Variants in COMMD1 observed in about 807,000 individuals in gnomAD.
COMMD1 encodes COMM domain-containing protein 1.
In COMMD1, 10 loss-of-function variants were observed where a neutral mutation model predicts 17.2. That is an observed-to-expected ratio of 0.58 (90% confidence interval 0.36 to 0.99). The LOEUF (loss-of-function observed/expected upper bound fraction) is 0.99. COMMD1 is among the 50% of genes least tolerant of loss of function. The pLI is 0.01. For synonymous variants in COMMD1, 97 were observed against 91.6 expected (o/e 1.06, Z -0.34); for missense variants, 270 against 231.8 (o/e 1.17, Z -1.07).
chr2:62,027,776 C>T (rs1314259666), intron 2 of COMMD1, among the ~76,000 whole-genome samples: 1 of 152,010 alleles, frequency 6.6e-6, no homozygotes, highest in East Asian at 1.9e-4. Flanking sequence ...CTGGCTCAAG[C>T]GATCCTCCCA....
intron 1 of COMMD1, among the ~76,000 whole-genome samples, chr2:61,973,379 T>C (rs976607158): frequency 5.3e-5 from 8 of 152,170 alleles, no homozygotes; most frequent in South Asian, 2.1e-4. Context: ...ACAACAGTAT[T>C]TGAGAGATGC....
chr2:62,014,585 A>G (rs1476279751), intron 2 of COMMD1, among the ~76,000 whole-genome samples: 1 of 77,730 alleles, frequency 1.3e-5, no homozygotes, highest in African/African-American at 6.0e-5. Context: ...TTTTTGAGAC[A>G]GAGTCTTGCT....
chr2:61,905,817 G>A lies in COMMD1; in HGVS notation c.139G>A (p.Glu47Lys). The A allele has an allele frequency of 6.2e-7, 1 of 1,614,228 alleles. No individual in the cohort carries two copies. Among genetic ancestry groups the A allele is most frequent in the African/African-American group, 1.3e-5 (1 of 75,060 alleles). The change falls in exon 1 of 3, where the codon GAG becomes AAG. Residue 47 changes from glutamate to lysine, a missense_variant. Physicochemically the swap from Glu to Lys is moderately conservative, Grantham distance 56. Transcript: ENST00000311832. ...GCTATATCCAGAGGTGCCACCCGAG[G>A]AGTTCCGCCCCTTTCTGGCAAAGAT... The part of the protein sequence containing the change: ...SQLYPEVPPE[E>K]FRPFLAKMRG...
intron 1 of COMMD1, among the ~76,000 whole-genome samples, chr2:61,951,947 A>G (rs539011886): frequency 6.6e-6 from 1 of 152,202 alleles, no homozygotes; most frequent in Non-Finnish European, 1.5e-5. Context: ...AGATTCATTC[A>G]TGTTTCTTGT....
chr2:61,918,988 A>G (rs1222550702), intron 1 of COMMD1, among the ~76,000 whole-genome samples: 1 of 152,094 alleles, frequency 6.6e-6, no homozygotes, highest in Non-Finnish European at 1.5e-5. Context: ...GGTTTCTGTT[A>G]CCTGTGCTTT....
intron 2 of COMMD1, among the ~76,000 whole-genome samples, chr2:62,098,672 T>C (rs1672088134): frequency 1.3e-5 from 2 of 152,372 alleles, no homozygotes; most frequent in South Asian, 4.1e-4. Context: ...GGGCGTATTT[T>C]ACATTGTTTC....
At chr2:62,002,637 G>A (rs1247028320) in intron 2 of COMMD1, among the ~76,000 whole-genome samples, 5 of 151,276 alleles carry the variant, frequency 3.3e-5, no homozygotes, top group African/African-American at 4.9e-5. Flanking sequence ...AGACCAACCT[G>A]GCCAACATGG....
chr2:61,912,975 G>A (rs560405405), intron 1 of COMMD1, among the ~76,000 whole-genome samples: 1 of 152,290 alleles, frequency 6.6e-6, no homozygotes, highest in South Asian at 2.1e-4. Flanking sequence ...GATTGCTTGA[G>A]CCCAAGAACT....
At chr2:62,122,354 G>A (rs1672771931) in intron 2 of COMMD1, among the ~76,000 whole-genome samples, 1 of 152,086 alleles carries the variant, frequency 6.6e-6, no homozygotes, top group Admixed American at 6.6e-5. Flanking sequence ...TCAGATGTGA[G>A]TCAGGGGTTA....
intron 1 of COMMD1, among the ~76,000 whole-genome samples, chr2:61,972,803 T>A (rs7558365): frequency 0.31 from 47,679 of 151,950 alleles, 8,679 homozygotes; most frequent in African/African-American, 0.51. Flanking sequence ...GTATGTGTTT[T>A]TAGTATTTTT....
intron 1 of COMMD1, among the ~76,000 whole-genome samples, chr2:61,962,061 A>T (rs1457466587): frequency 6.6e-6 from 1 of 152,160 alleles, no homozygotes; most frequent in African/African-American, 2.4e-5. Flanking sequence ...ACTGTTATTT[A>T]TATTTAAGAG....
chr2:62,012,001 A>C (rs902300922), intron 2 of COMMD1, among the ~76,000 whole-genome samples: 1 of 152,098 alleles, frequency 6.6e-6, no homozygotes, highest in African/African-American at 2.4e-5. Flanking sequence ...TAATCCTGGC[A>C]CTGTGGGAGG....
intron 1 of COMMD1, among the ~76,000 whole-genome samples, chr2:61,919,981 C>T (rs1174534636): frequency 6.6e-6 from 1 of 151,974 alleles, no homozygotes; most frequent in African/African-American, 2.4e-5. Flanking sequence ...TAAAAAAAAT[C>T]AGCCAGGCAT....
intron 2 of COMMD1, among the ~76,000 whole-genome samples, chr2:62,095,199 A>T (rs915191730): frequency 6.6e-6 from 1 of 152,222 alleles, no homozygotes; most frequent in Non-Finnish European, 1.5e-5. Context: ...TCTTTCAGGC[A>T]TTTGATTTGA....
intron 2 of COMMD1, among the ~76,000 whole-genome samples, chr2:62,029,506 C>A (rs1263072086): frequency 6.6e-6 from 1 of 151,912 alleles, no homozygotes; most frequent in African/African-American, 2.4e-5. Context: ...AACCCATATC[C>A]CTTCTTGTTT....
upstream of COMMD1, among the ~76,000 whole-genome samples, chr2:61,905,409 CTT>C (rs1669744571): frequency 3.3e-5 from 5 of 152,332 alleles, no homozygotes; most frequent in African/African-American, 1.2e-4. Context: ...TGCGAGCAAT[CTT>C]TCTTTCCAGT....
chr2:62,087,041 C>A (rs912799962), intron 2 of COMMD1, among the ~76,000 whole-genome samples: 7 of 151,988 alleles, frequency 4.6e-5, no homozygotes, highest in Non-Finnish European at 1.0e-4. Context: ...CCAGGCTGGT[C>A]TCAAACTCCT....
chr2:62,037,017 C>G (rs562105049), intron 2 of COMMD1, among the ~76,000 whole-genome samples: 5 of 152,282 alleles, frequency 3.3e-5, no homozygotes, highest in African/African-American at 1.2e-4. Context: ...GCCTATAAAT[C>G]AGGTATTATC....
chr2:62,067,015 C>T lies in COMMD1; in HGVS notation c.462+66033C>T, dbSNP rs1322110217. On this transcript the variant is annotated intron_variant, in intron 2 of 2. Coordinates refer to ENST00000311832, the MANE Select transcript of COMMD1 (RefSeq NM_152516.4). ...TGCTGGGATTACAGGCTTGAGCCAC[C>T]GTGCCCAGCCCAAATCTATATAGAT... is the stretch of plus-strand genomic sequence containing the variant. 3.9e-5 allele frequency among the ~76,000 whole-genome samples: 6 copies of T among 152,088 alleles called. No individual in the cohort carries two copies. The South Asian group carries it at 8.3e-4, about 21-fold the overall frequency.
Sources: gnomAD v4.1 joint callset for allele counts (sites outside exome capture counted in the v4.1 genomes callset) on GRCh38, gnomAD v4.1.1 for gene constraint, MANE v1.5 for transcripts, NCBI Gene and HGNC (gene_info 2026-07-23, HGNC 2026-07-21) for gene names.